Variants in SLC39A12 observed in about 807,000 individuals in gnomAD.
SLC39A12 encodes zinc transporter ZIP12.
Under a neutral mutation model 71.1 loss-of-function variants are expected in SLC39A12, and 63 were observed. That is an observed-to-expected ratio of 0.89 (90% CI 0.72 to 1.09). The LOEUF (loss-of-function observed/expected upper bound fraction) is 1.09, where lower values mean the gene tolerates loss of function less well. SLC39A12 is among the 50% of genes least tolerant of loss of function. SLC39A12 has a pLI of 0.00. For missense variants in SLC39A12, 892 were observed against 812.6 expected (o/e 1.10, Z -1.19); for synonymous variants, 351 against 301.3 (o/e 1.16, Z -1.71).
chr10:18,041,265 G>A (rs1434419739), intron 12 of SLC39A12, among the ~76,000 whole-genome samples: 1 of 151,932 alleles, frequency 6.6e-6, no homozygotes, highest in Non-Finnish European at 1.5e-5. Context: ...TAGTTGCCAT[G>A]TGTTTCTCTG....
At chr10:18,011,431 C>A (rs970855247) in intron 12 of SLC39A12, among the ~76,000 whole-genome samples, 2 of 152,134 alleles carry the variant, frequency 1.3e-5, no homozygotes, top group African/African-American at 4.8e-5. Context: ...CTCTAGCTTA[C>A]TTTATTGTAA....
intron 5 of SLC39A12, among the ~76,000 whole-genome samples, chr10:17,978,882 A>C (rs547085770): frequency 6.6e-6 from 1 of 152,162 alleles, no homozygotes; most frequent in East Asian, 1.9e-4. Flanking sequence ...GGGCCTTTCC[A>C]AGGGCTGTGG....
intron 12 of SLC39A12, among the ~76,000 whole-genome samples, chr10:18,039,562 T>C (rs1032247195): frequency 5.3e-5 from 8 of 151,874 alleles, no homozygotes; most frequent in Non-Finnish European, 7.4e-5. Flanking sequence ...ACCTCGTCTC[T>C]ACTAAGAATT....
chr10:17,962,215 C>T (rs1263758122), intron 3 of SLC39A12, among the ~76,000 whole-genome samples: 1 of 152,182 alleles, frequency 6.6e-6, no homozygotes, highest in Non-Finnish European at 1.5e-5. Context: ...AGCAATGTTT[C>T]TATTTGCCTT....
At chr10:17,994,228 T>C (rs996610914) in intron 9 of SLC39A12, among the ~76,000 whole-genome samples, 1 of 152,194 alleles carries the variant, frequency 6.6e-6, no homozygotes, top group Admixed American at 6.5e-5. Flanking sequence ...AGCCCCAAGA[T>C]GCATATAACC....
At chr10:17,962,120 T>C (rs1834707126) in intron 3 of SLC39A12, among the ~76,000 whole-genome samples, 1 of 152,196 alleles carries the variant, frequency 6.6e-6, no homozygotes, top group African/African-American at 2.4e-5. Context: ...GTCAGCTGTC[T>C]TCTCCTGGGT....
At position 18,041,643 on chromosome 10, in the gene SLC39A12, GTA is replaced by G. The variant is rs1415050916; in HGVS notation, c.1948-1057_1948-1056del. ...CATATGTATATATGTGTATATATAT[GTA>G]TATACATATGTATATATGTGTATAT... On this transcript the variant is annotated intron_variant, in intron 12 of 12. Coordinates refer to ENST00000377369, the MANE Select transcript of SLC39A12 (RefSeq NM_001145195.2). 3.7e-5 allele frequency among the ~76,000 whole-genome samples: 3 copies of G among 81,412 alleles called. No individual in the cohort carries two copies. In the East Asian group the frequency reaches 7.5e-4, roughly 20 times the overall value. The allele number at this position is 81,412 out of a possible 152,430, so 53.4% of individuals were successfully genotyped here.
rs749348656 is a variant in SLC39A12 at position 18,042,802 on chromosome 10, T to C, written c.2045T>C (p.Leu682Ser). Reference protein sequence around the residue: ...LILGWLSLLLLAIYEQNIKI With the variant: ...LILGWLSLLLSAIYEQNIKI Reference sequence around the variant, plus strand: ...CTAGGTTGGCTTTCTCTCCTGCTCTTGGCTATATATGAGCAAAATATTAAA... The same window carrying C: ...CTAGGTTGGCTTTCTCTCCTGCTCTCGGCTATATATGAGCAAAATATTAAA... The change falls in exon 13 of 13, where the codon TTG (leucine) becomes TCG (serine). Residue 682 changes from leucine (L) to serine (S), a missense_variant. By Grantham distance (145) the Leu-to-Ser change is moderately radical. Transcript: ENST00000377369. 3 of 1,611,260 alleles carry C rather than the reference T, an allele frequency of 1.9e-6. No individual in the cohort carries two copies. Among genetic ancestry groups the C allele is most frequent in the Non-Finnish European group, 2.5e-6 (3 of 1,179,114 alleles).
chr10:18,034,088 G>A (rs543308344), intron 12 of SLC39A12, among the ~76,000 whole-genome samples: 3 of 151,688 alleles, frequency 2.0e-5, no homozygotes, highest in South Asian at 2.1e-4. Context: ...GTCAATTTTG[G>A]AATAGGTGTG....
At chr10:18,026,018 C>A (rs891124479) in intron 12 of SLC39A12, among the ~76,000 whole-genome samples, 1 of 152,160 alleles carries the variant, frequency 6.6e-6, no homozygotes, top group Admixed American at 6.6e-5. Context: ...CATATTCATT[C>A]ATTTCACTTA....
intron 2 of SLC39A12, 82 bp downstream of exon 2, chr10:17,953,619 G>A (rs918113267): frequency 6.8e-7 from 1 of 1,471,382 alleles, no homozygotes; most frequent in African/African-American, 1.4e-5. Context: ...TTTCAGTAAA[G>A]CAAAATCACA....
chr10:17,953,166 G>C (rs1270834805), intron 1 of SLC39A12, 25 bp from the exon 2 acceptor site: 5 of 1,336,906 alleles, frequency 3.7e-6, no homozygotes, highest in Non-Finnish European at 5.1e-6. Context: ...ATAATTGAAG[G>C]CTTTATTTTT....
chr10:18,007,303 GC>G (rs1286908893), intron 12 of SLC39A12: 1 of 152,124 alleles, frequency 6.6e-6, no homozygotes, highest in Non-Finnish European at 1.5e-5. Context: ...TCCTTGTTAG[GC>G]TGTGTATCCT....
intron 2 of SLC39A12, 119 bp downstream of exon 2, chr10:17,953,656 C>G: frequency 8.6e-7 from 1 of 1,167,148 alleles, no homozygotes; most frequent in Non-Finnish European, 1.2e-6. Flanking sequence ...TGCAATTGAG[C>G]AATGCATTCT....
At position 17,979,956 on chromosome 10, in the gene SLC39A12, A is replaced by G. The variant is rs1436659652; in HGVS notation, c.925-1356A>G. Among the ~76,000 whole-genome samples the G allele has an allele frequency of 2.0e-4, 30 of 152,186 alleles. 1 individual carries two copies. Among genetic ancestry groups the G allele is most frequent in the Admixed American group, 2.0e-3 (30 of 15,272 alleles). ...GCTGTGAGTTTACGAGAGAAGGCCAAACTGTGAAAGGAAGTAGATATATGC... is the reference window on the plus strand; with the variant it reads ...GCTGTGAGTTTACGAGAGAAGGCCAGACTGTGAAAGGAAGTAGATATATGC... On this transcript the variant is annotated intron_variant, in intron 5 of 12. Coordinates refer to ENST00000377369, the MANE Select transcript of SLC39A12 (RefSeq NM_001145195.2).
At chr10:17,962,091 C>G (rs781915741) in intron 3 of SLC39A12, among the ~76,000 whole-genome samples, 11 of 152,164 alleles carry the variant, frequency 7.2e-5, no homozygotes, top group Non-Finnish European at 1.3e-4. Flanking sequence ...GGTGGGTGGA[C>G]AGGCAGTCCA....
intron 8 of SLC39A12, among the ~76,000 whole-genome samples, chr10:17,991,959 C>T (rs1452526065): frequency 2.6e-5 from 4 of 151,752 alleles, no homozygotes; most frequent in African/African-American, 4.8e-5. Context: ...CATGATGCCG[C>T]GCGCCTGTAA....
At chr10:18,018,979 A>G (rs1435589535) in intron 12 of SLC39A12, among the ~76,000 whole-genome samples, 1 of 152,146 alleles carries the variant, frequency 6.6e-6, no homozygotes, top group Non-Finnish European at 1.5e-5. Flanking sequence ...ATTTTTTCCT[A>G]AAGTGTTTGG....
chr10:18,016,315 A>T (rs60946168), intron 12 of SLC39A12, among the ~76,000 whole-genome samples: 18,708 of 152,180 alleles, frequency 0.12, 1,768 homozygotes, highest in African/African-American at 0.25. Context: ...CTTTTCAGAT[A>T]AGCATCTTCA....
Sources: gnomAD v4.1 joint callset for allele counts (sites outside exome capture counted in the v4.1 genomes callset) on GRCh38, gnomAD v4.1.1 for gene constraint, MANE v1.5 for transcripts, NCBI Gene and HGNC (gene_info 2026-07-23, HGNC 2026-07-21) for gene names.